The following TBC1D22A variants were observed in gnomAD, a reference collection of about 807,000 sequenced individuals.
TBC1D22A encodes putative GTPase activator.
TBC1D22A carries 38 observed loss-of-function variants against 60.2 expected under a neutral mutation model. That is an observed-to-expected ratio of 0.63 (90% CI 0.49 to 0.83). The LOEUF (loss-of-function observed/expected upper bound fraction) is 0.83, where lower values mean the gene tolerates loss of function less well. Among genes scored for constraint, TBC1D22A ranks in the 40% least tolerant of loss-of-function variants. The pLI is 0.00. For synonymous variants in TBC1D22A, 302 were observed against 281.7 expected (o/e 1.07, Z -0.72); for missense variants, 628 against 701.0 (o/e 0.90, Z 1.18).
chr22:47,089,225 T>A (rs1210687302), intron 11 of TBC1D22A, among the ~76,000 whole-genome samples: 1 of 152,136 alleles, frequency 6.6e-6, no homozygotes, highest in East Asian at 1.9e-4. Context: ...GAATCATGGT[T>A]AATTGTTTTG....
chr22:47,148,058 G>A (rs896699638), intron 12 of TBC1D22A, among the ~76,000 whole-genome samples: 31 of 152,310 alleles, frequency 2.0e-4, no homozygotes, highest in African/African-American at 7.5e-4. Flanking sequence ...GTGCCTCAGG[G>A]TGGGATGGAG....
At chr22:46,910,300 G>T (rs551465576) in intron 7 of TBC1D22A, among the ~76,000 whole-genome samples, 1 of 152,178 alleles carries the variant, frequency 6.6e-6, no homozygotes, top group Admixed American at 6.5e-5. Context: ...TAGTCTCCTT[G>T]GGTTGAGAGA....
rs142583362 is a variant in TBC1D22A, at chr22:47,097,608, C to T, written c.1330-13900C>T. Among the ~76,000 whole-genome samples, 1,145 of 149,988 alleles carry T rather than the reference C, an allele frequency of 7.6e-3. 21 individuals carry two copies. Among genetic ancestry groups the T allele is most frequent in the African/African-American group, 0.027 (1,090 of 40,918 alleles). On this transcript the variant is annotated intron_variant, in intron 11 of 12. Transcript: ENST00000337137. ...CCTGGGCGAGAGAGCAAGAGTCCATCTCAAAAAAAAAAGAAAGAAAAAGAA... is the reference window on the plus strand; with the variant it reads ...CCTGGGCGAGAGAGCAAGAGTCCATTTCAAAAAAAAAAGAAAGAAAAAGAA...
chr22:47,070,032 G>A lies in TBC1D22A; in HGVS notation c.1329+32834G>A, dbSNP rs979061071. ...CTGTCCCCTGTTGTTTGGTTGGAGCGGAGCTGACCTGATGGTTCCAGGCTG... is the reference window on the plus strand; with the variant it reads ...CTGTCCCCTGTTGTTTGGTTGGAGCAGAGCTGACCTGATGGTTCCAGGCTG... On this transcript the variant is annotated intron_variant, in intron 11 of 12. Coordinates refer to ENST00000337137, the MANE Select transcript of TBC1D22A (RefSeq NM_014346.5). 1.7e-3 allele frequency among the ~76,000 whole-genome samples: 205 copies of A among 123,170 alleles called. 3 individuals carry two copies. The highest frequency in any genetic ancestry group is 3.0e-3 in the African/African-American group (83 of 27,756). 80.8% of individuals were successfully genotyped at this position (123,170 alleles called of 152,430 possible).
chr22:46,885,939 A>C, intron 5 of TBC1D22A, among the ~76,000 whole-genome samples: 1 of 137,596 alleles, frequency 7.3e-6, no homozygotes, highest in African/African-American at 2.9e-5. Flanking sequence ...GCGGAGTCTC[A>C]CTCTGTCGCC....
chr22:47,004,538 A>G (rs551275770), intron 10 of TBC1D22A, among the ~76,000 whole-genome samples: 5 of 151,474 alleles, frequency 3.3e-5, no homozygotes, highest in Admixed American at 2.0e-4. Flanking sequence ...CACACCTGCC[A>G]TATACACAGG....
intron 8 of TBC1D22A, among the ~76,000 whole-genome samples, chr22:46,913,068 A>T (rs963572982): frequency 1.3e-5 from 2 of 152,170 alleles, no homozygotes; most frequent in African/African-American, 4.8e-5. Flanking sequence ...CTGTGTTTTT[A>T]TGCTGTTTCT....
intron 4 of TBC1D22A, among the ~76,000 whole-genome samples, chr22:46,822,988 G>A (rs2085893526): frequency 6.6e-6 from 1 of 152,168 alleles, no homozygotes; most frequent in African/African-American, 2.4e-5. Context: ...CTATCCTAGG[G>A]TAAAGGACAG....
intron 10 of TBC1D22A, among the ~76,000 whole-genome samples, chr22:47,036,030 G>A (rs2062645735): frequency 6.6e-6 from 1 of 152,176 alleles, no homozygotes; most frequent in Non-Finnish European, 1.5e-5. Flanking sequence ...TGAGGGAATG[G>A]CGATCCCTGT....
intron 11 of TBC1D22A, among the ~76,000 whole-genome samples, chr22:47,105,743 T>G (rs2065608553): frequency 6.6e-6 from 1 of 152,062 alleles, no homozygotes; most frequent in Admixed American, 6.5e-5. Flanking sequence ...GAGAAGCAAA[T>G]ATAGGTTTCC....
In TBC1D22A at chr22:47,071,836, C is replaced by T. The variant is rs145004200; in HGVS notation, c.1329+34638C>T. On this transcript the variant is annotated intron_variant, in intron 11 of 12. Transcript: ENST00000337137. ...ATGCAGACATCAATCTTGTTATTCTCGGAGTGGAGAGACAGTTTCTGATTG... is the reference window on the plus strand; with the variant it reads ...ATGCAGACATCAATCTTGTTATTCTTGGAGTGGAGAGACAGTTTCTGATTG... 6.6e-5 allele frequency among the ~76,000 whole-genome samples: 10 copies of T among 152,250 alleles called. No homozygotes were observed. In the East Asian group the frequency reaches 1.7e-3, roughly 26 times the overall value.
chr22:46,881,938 C>G (rs188957915), intron 5 of TBC1D22A, among the ~76,000 whole-genome samples: 1 of 152,314 alleles, frequency 6.6e-6, no homozygotes, highest in Admixed American at 6.5e-5. Flanking sequence ...TGCGAGTCAC[C>G]CATCCCTGAG....
chr22:47,055,075 G>A (rs965823554), intron 11 of TBC1D22A, among the ~76,000 whole-genome samples: 10 of 152,196 alleles, frequency 6.6e-5, no homozygotes, highest in Non-Finnish European at 1.5e-4. Context: ...AGGGGGTCTC[G>A]AGGGCACTGG....
intron 11 of TBC1D22A, among the ~76,000 whole-genome samples, chr22:47,092,220 TG>T (rs1040344539): frequency 2.0e-5 from 3 of 152,064 alleles, no homozygotes; most frequent in African/African-American, 7.2e-5. Flanking sequence ...GGAGTCCCTG[TG>T]GGGAAGCGAG....
Position 47,111,541 on chromosome 22 carries a change from T to C in TBC1D22A, c.1363T>C (p.Tyr455His), listed in dbSNP as rs1333990859. The change falls in exon 12 of 13, where the codon TAC becomes CAC. Residue 455 changes from tyrosine (Y) to histidine (H), a missense_variant. Coordinates refer to ENST00000337137, the MANE Select transcript of TBC1D22A (RefSeq NM_014346.5). The stretch of plus-strand genomic sequence containing the variant: ...GGACGGCTTTTCTCATTTCCACTTG[T>C]ACGTGTGCGCTGCTTTTCTCGTGAG... ...EPDGFSHFHL[Y>H]VCAAFLVRWR... 1 of 1,614,182 alleles carries C rather than the reference T, an allele frequency of 6.2e-7. No homozygotes were observed. Among genetic ancestry groups the C allele is most frequent in the Non-Finnish European group, 8.5e-7 (1 of 1,180,032 alleles).
At chr22:47,012,917 G>A (rs1268534880) in intron 10 of TBC1D22A, among the ~76,000 whole-genome samples, 7 of 152,104 alleles carry the variant, frequency 4.6e-5, no homozygotes, top group East Asian at 3.9e-4. Context: ...CTTGCTGTTC[G>A]GAGCAGAGGG....
At chr22:46,907,240 C>T (rs539900550) in intron 7 of TBC1D22A, among the ~76,000 whole-genome samples, 1 of 152,326 alleles carries the variant, frequency 6.6e-6, no homozygotes, top group Admixed American at 6.5e-5. Context: ...CCCTCTCTTC[C>T]CGTCACCTCT....
intron 10 of TBC1D22A, among the ~76,000 whole-genome samples, chr22:47,005,366 A>G (rs2061550775): frequency 6.6e-6 from 1 of 151,110 alleles, no homozygotes; most frequent in African/African-American, 2.4e-5. Flanking sequence ...ACACCTCCAC[A>G]CATGTCTGTA....
At chr22:47,051,659 CTG>C (rs1453455755) in intron 11 of TBC1D22A, among the ~76,000 whole-genome samples, 1 of 152,192 alleles carries the variant, frequency 6.6e-6, no homozygotes, top group Admixed American at 6.5e-5. Context: ...AGGAGACCCT[CTG>C]TGGCAGGAGC....
Sources: allele counts gnomAD v4.1 joint callset (sites outside exome capture counted in the v4.1 genomes callset), GRCh38; gene constraint gnomAD v4.1.1; transcripts MANE v1.5; gene names NCBI Gene and HGNC (gene_info 2026-07-23, HGNC 2026-07-21).